Variants in LARGE1 observed in about 807,000 individuals in gnomAD.
The protein encoded by LARGE1 is xylosyl- and glucuronyltransferase LARGE1.
LARGE1 carries 43 observed loss-of-function variants against 87.6 expected under a neutral mutation model. The observed-to-expected ratio is 0.49, with a 90% CI of 0.38 to 0.63. The LOEUF (loss-of-function observed/expected upper bound fraction) is 0.63. LARGE1 is among the 30% of genes least tolerant of loss of function. LARGE1 has a pLI of 0.00. For synonymous variants in LARGE1, 434 were observed against 394.6 expected (o/e 1.10, Z -1.18); for missense variants, 802 against 1,000.2 (o/e 0.80, Z 2.67).
intron 6 of LARGE1, among the ~76,000 whole-genome samples, chr22:33,470,230 C>G (rs2068774914): frequency 6.6e-6 from 1 of 151,972 alleles, no homozygotes; most frequent in Admixed American, 6.6e-5. Flanking sequence ...ATCTGTACAC[C>G]AAACCCTCAT....
At chr22:33,661,265 G>C (rs186323124) in intron 2 of LARGE1, among the ~76,000 whole-genome samples, 395 of 150,586 alleles carry the variant, frequency 2.6e-3, no homozygotes, top group African/African-American at 9.1e-3. Flanking sequence ...GCCCAGGCTG[G>C]AGTACAGGGG....
At chr22:33,818,346 T>A (rs966047766) in intron 1 of LARGE1, among the ~76,000 whole-genome samples, 1 of 152,168 alleles carries the variant, frequency 6.6e-6, no homozygotes, top group African/African-American at 2.4e-5. Flanking sequence ...AGGAACCCTA[T>A]CAACTCACTC....
intron 11 of LARGE1, among the ~76,000 whole-genome samples, chr22:33,252,024 G>C (rs1189372427): frequency 6.6e-6 from 1 of 152,166 alleles, no homozygotes; most frequent in Non-Finnish European, 1.5e-5. Flanking sequence ...CAACAGAAAA[G>C]AAAGTGACAC....
the LARGE1 span, among the ~76,000 whole-genome samples, chr22:33,083,745 G>A: frequency 1.3e-5 from 2 of 152,198 alleles, no homozygotes; most frequent in African/African-American, 4.8e-5. Context: ...CACAATGTAA[G>A]AGGTCATCTC....
chr22:33,541,590 C>T (rs373424840), intron 6 of LARGE1, among the ~76,000 whole-genome samples: 6 of 152,132 alleles, frequency 3.9e-5, no homozygotes, highest in African/African-American at 1.4e-4. Context: ...ATGCCTCCAG[C>T]AGAGCAATCC....
At chr22:33,385,058 T>C (rs1376139834) in intron 7 of LARGE1, among the ~76,000 whole-genome samples, 1 of 148,660 alleles carries the variant, frequency 6.7e-6, no homozygotes, top group Admixed American at 6.7e-5. Flanking sequence ...TTTTGGCCCA[T>C]CCACGCTGGG....
chr22:33,245,956 A>G (rs1477134700), intron 11 of LARGE1, among the ~76,000 whole-genome samples: 1 of 152,184 alleles, frequency 6.6e-6, no homozygotes, highest in African/African-American at 2.4e-5. Context: ...AAAAATGAGA[A>G]GTGTCAATAA....
At chr22:33,812,336 C>T (rs2086521331) in intron 1 of LARGE1, among the ~76,000 whole-genome samples, 1 of 149,758 alleles carries the variant, frequency 6.7e-6, no homozygotes, top group Admixed American at 6.6e-5. Flanking sequence ...CTGCCCAGAA[C>T]TTGTGACAGT....
chr22:33,810,802 C>T, intron 1 of LARGE1, among the ~76,000 whole-genome samples: 1 of 151,798 alleles, frequency 6.6e-6, no homozygotes, highest in African/African-American at 2.4e-5. Flanking sequence ...TGGATCACTG[C>T]AACTTCCGCC....
chr22:33,580,722 A>G (rs2078494514), intron 5 of LARGE1, among the ~76,000 whole-genome samples: 1 of 152,202 alleles, frequency 6.6e-6, no homozygotes, highest in African/African-American at 2.4e-5. Context: ...TAATAATAAC[A>G]GGGGATGAGA....
chr22:33,446,830 C>T (rs1455143993), intron 6 of LARGE1, among the ~76,000 whole-genome samples: 1 of 152,156 alleles, frequency 6.6e-6, no homozygotes, highest in Non-Finnish European at 1.5e-5. Flanking sequence ...TGAACAGTGT[C>T]CCTTGGAGTT....
At chr22:33,169,679 G>T (rs5998773) in intron 11 of LARGE1, among the ~76,000 whole-genome samples, 1 of 151,746 alleles carries the variant, frequency 6.6e-6, no homozygotes, top group Non-Finnish European at 1.5e-5. Context: ...GTGAAACCCC[G>T]CCTCTACGAA....
intron 11 of LARGE1, among the ~76,000 whole-genome samples, chr22:33,198,367 C>A (rs1171421444): frequency 6.6e-6 from 1 of 151,894 alleles, no homozygotes; most frequent in African/African-American, 2.4e-5. Context: ...GCCACCTGGG[C>A]TGGAGTGCAG....
chr22:33,905,192 T>A (rs1308566151), intron 1 of LARGE1, among the ~76,000 whole-genome samples: 1 of 151,384 alleles, frequency 6.6e-6, no homozygotes, highest in African/African-American at 2.4e-5. Flanking sequence ...GTCTCCTGAG[T>A]AGATGGGACC....
In LARGE1 at chr22:33,705,625, T is replaced by A. The variant is rs1253319731; in HGVS notation, c.107-54957A>T. 3.3e-5 allele frequency among the ~76,000 whole-genome samples: 5 copies of A among 152,254 alleles called. No homozygotes were observed. In the East Asian group the frequency reaches 9.6e-4, roughly 29 times the overall value. ...CAATGCAGTTATTTTGAGACAGAGC[T>A]GGGAGAAGAATTTAAGTCCCTAGAA... On this transcript the variant is annotated intron_variant, in intron 2 of 14. Transcript: ENST00000397394.
At chr22:33,739,180 C>A (rs1466262563) in intron 2 of LARGE1, among the ~76,000 whole-genome samples, 1 of 152,104 alleles carries the variant, frequency 6.6e-6, no homozygotes, top group Non-Finnish European at 1.5e-5. Flanking sequence ...CCTGGGCTCA[C>A]TGGGCACGTG....
At chr22:33,381,799 C>T in intron 9 of LARGE1, 120 bp downstream of exon 9, 2 of 1,306,770 alleles carry the variant, frequency 1.5e-6, no homozygotes, top group Middle Eastern at 2.6e-4. Flanking sequence ...TCATTCTGCT[C>T]TCCTGTGCCC....
intron 11 of LARGE1, among the ~76,000 whole-genome samples, chr22:33,250,257 T>A (rs182532385): frequency 6.6e-6 from 1 of 152,326 alleles, no homozygotes; most frequent in Non-Finnish European, 1.5e-5. Context: ...GATTTTTACC[T>A]AAGTATTTCA....
intron 2 of LARGE1, among the ~76,000 whole-genome samples, chr22:33,687,807 G>A (rs1026003973): frequency 5.9e-5 from 9 of 152,198 alleles, no homozygotes; most frequent in African/African-American, 1.7e-4. Flanking sequence ...GCCAACCTGA[G>A]TGCTACCCAC....
Sources: gnomAD v4.1 joint callset for allele counts (sites outside exome capture counted in the v4.1 genomes callset) on GRCh38, gnomAD v4.1.1 for gene constraint, MANE v1.5 for transcripts, NCBI Gene and HGNC (gene_info 2026-07-23, HGNC 2026-07-21) for gene names.